The following UNC5C variants were observed in gnomAD, a reference collection of about 807,000 sequenced individuals.
UNC5C encodes the protein unc-5 netrin receptor C, also known as netrin receptor UNC5C.
A neutral mutation model predicts 99.8 loss-of-function variants in UNC5C; 47 were observed. That is an observed-to-expected ratio of 0.47 (90% CI 0.37 to 0.60). The LOEUF is 0.60. UNC5C is among the 20% of genes least tolerant of loss of function. The probability of loss-of-function intolerance (pLI) is 0.00; values close to 1 mark genes in which losing one functional copy is unlikely to be tolerated. For missense variants in UNC5C, 1,062 were observed against 1,165.9 expected (o/e 0.91, Z 1.30); for synonymous variants, 487 against 452.2 (o/e 1.08, Z -0.98).
At chr4:95,442,568 G>A (rs1021939650) in intron 1 of UNC5C, among the ~76,000 whole-genome samples, 9 of 151,772 alleles carry the variant, frequency 5.9e-5, no homozygotes. Context: ...CTGGGCTCAA[G>A]CAGTCCTCTC....
intron 1 of UNC5C, among the ~76,000 whole-genome samples, chr4:95,481,756 G>A (rs1463668446): frequency 6.6e-6 from 1 of 152,056 alleles, no homozygotes; most frequent in African/African-American, 2.4e-5. Flanking sequence ...CAAGCAATGG[G>A]GAAAGGATTC....
intron 2 of UNC5C, among the ~76,000 whole-genome samples, chr4:95,324,124 C>T (rs1201326232): frequency 6.6e-6 from 1 of 152,166 alleles, no homozygotes; most frequent in Non-Finnish European, 1.5e-5. Flanking sequence ...GGTCCCCAAC[C>T]CCCAGGCCAG....
At chr4:95,383,983 A>G (rs2149442909) in intron 1 of UNC5C, among the ~76,000 whole-genome samples, 1 of 152,324 alleles carries the variant, frequency 6.6e-6, no homozygotes, top group South Asian at 2.1e-4. Context: ...AGATTGTCTC[A>G]GAATGTTATT....
At position 95,321,189 on chromosome 4, in the gene UNC5C, G is replaced by C. The variant is rs542746387; in HGVS notation, c.346+14221C>G. Among the ~76,000 whole-genome samples the C allele has an allele frequency of 2.1e-3, 321 of 152,166 alleles. 2 individuals are homozygous for C. The highest frequency in any genetic ancestry group is 3.0e-3 in the Non-Finnish European group (204 of 68,002). ...TAAAATTACATAGTTCTGCAAATAG[G>C]ATATAGTCGGGGTGCTCTGGAGTAC... On this transcript the variant is annotated intron_variant, in intron 2 of 15. Transcript: ENST00000453304.
At chr4:95,434,955 G>A (rs116683846) in intron 1 of UNC5C, among the ~76,000 whole-genome samples, 2,609 of 152,052 alleles carry the variant, frequency 0.017, 73 homozygotes, top group African/African-American at 0.061. Context: ...GAAGAGTTTT[G>A]CTCTTGCAGA....
chr4:95,438,373 G>A (rs1161053735), intron 1 of UNC5C, among the ~76,000 whole-genome samples: 1 of 152,048 alleles, frequency 6.6e-6, no homozygotes, highest in Non-Finnish European at 1.5e-5. Flanking sequence ...TGGCTCTGGA[G>A]CCAAGATAAC....
intron 1 of UNC5C, among the ~76,000 whole-genome samples, chr4:95,483,491 A>G (rs541255812): frequency 2.9e-4 from 44 of 151,844 alleles, no homozygotes; most frequent in Non-Finnish European, 5.3e-4. Context: ...CAATTTTTGT[A>G]TATAAAATGG....
At chr4:95,253,375 A>G (rs1560754235) in intron 4 of UNC5C, among the ~76,000 whole-genome samples, 2 of 152,146 alleles carry the variant, frequency 1.3e-5, no homozygotes, top group Non-Finnish European at 2.9e-5. Flanking sequence ...TTCAATCTGC[A>G]TGGTTGACAA....
chr4:95,356,256 C>T (rs182940967), intron 1 of UNC5C, among the ~76,000 whole-genome samples: 1 of 146,022 alleles, frequency 6.8e-6, no homozygotes, highest in African/African-American at 2.5e-5. Context: ...CTCATTCTTT[C>T]CTATGGTATA....
chr4:95,477,705 T>A (rs1438147494), intron 1 of UNC5C, among the ~76,000 whole-genome samples: 2 of 152,050 alleles, frequency 1.3e-5, no homozygotes, highest in South Asian at 4.1e-4. Context: ...CATTTAAACT[T>A]TCCTACATCC....
chr4:95,276,324 T>C (rs1200021019), intron 4 of UNC5C, among the ~76,000 whole-genome samples: 4 of 152,216 alleles, frequency 2.6e-5, no homozygotes, highest in Admixed American at 2.6e-4. Flanking sequence ...TCTTTGAATG[T>C]CAAATGGGTA....
Position 95,548,847 on chromosome 4 carries a change from CCTT to C in UNC5C, c.8_10del (p.Lys3_Gly4delinsSer), listed in dbSNP as rs781737116. ...GCAGCGGGCCGCTGTCGCCCGCAGA[CCTT>C]TCCTCATCGTAGACAGAGGTGTGCC... On this transcript the variant is annotated inframe_deletion, in exon 1 of 16. Coordinates refer to ENST00000453304, the MANE Select transcript of UNC5C (RefSeq NM_003728.4). The C allele has an allele frequency of 2.5e-6, 4 of 1,613,086 alleles. No individual in the cohort carries two copies. Among genetic ancestry groups the C allele is most frequent in the Non-Finnish European group, 1.7e-6 (2 of 1,179,854 alleles).
At chr4:95,455,210 A>G (rs1747394296) in intron 1 of UNC5C, among the ~76,000 whole-genome samples, 1 of 152,096 alleles carries the variant, frequency 6.6e-6, no homozygotes. Context: ...TCTTTCAAAC[A>G]TTGTAGAAAA....
At chr4:95,438,281 A>G (rs1051013104) in intron 1 of UNC5C, among the ~76,000 whole-genome samples, 1 of 151,974 alleles carries the variant, frequency 6.6e-6, no homozygotes, top group African/African-American at 2.4e-5. Context: ...AAAATTAAAA[A>G]CCTTCTTCTC....
At chr4:95,456,201 G>A (rs189149269) in intron 1 of UNC5C, among the ~76,000 whole-genome samples, 130 of 152,096 alleles carry the variant, frequency 8.5e-4, no homozygotes, top group African/African-American at 2.9e-3. Context: ...ACACACCACC[G>A]ACTAAGAAAG....
Position 95,307,874 on chromosome 4 carries a change from C to T in UNC5C, c.347-6125G>A, listed in dbSNP as rs189194533. Among the ~76,000 whole-genome samples the T allele has an allele frequency of 3.4e-3, 510 of 152,228 alleles. 1 individual carries two copies. The highest frequency in any genetic ancestry group is 0.012 in the African/African-American group (484 of 41,560). Reference sequence around the variant, plus strand: ...AACAAAATGAAGGATAAAAATCATACGATCATCTTAATAGCTGTAGAAAGA... The same window carrying T: ...AACAAAATGAAGGATAAAAATCATATGATCATCTTAATAGCTGTAGAAAGA... On this transcript the variant is annotated intron_variant, in intron 2 of 15. Coordinates refer to ENST00000453304, the MANE Select transcript of UNC5C (RefSeq NM_003728.4).
chr4:95,187,654 G>C (rs3796463), intron 12 of UNC5C, among the ~76,000 whole-genome samples: 92,995 of 152,152 alleles, frequency 0.61, 30,322 homozygotes, highest in Middle Eastern at 0.77. Flanking sequence ...GCAATGATTT[G>C]AAAAGTCATG....
rs117696117 is a variant in UNC5C at position 95,199,566 on chromosome 4, T to G, written c.2136+3165A>C. On this transcript the variant is annotated intron_variant, in intron 12 of 15. Coordinates refer to ENST00000453304, the MANE Select transcript of UNC5C (RefSeq NM_003728.4). The stretch of plus-strand genomic sequence containing the variant: ...GCTGCTTAAACCTGTTCATCACTCT[T>G]TCTCACTATTGACCATTTGCGTCTT... Among the ~76,000 whole-genome samples the G allele has an allele frequency of 2.0e-5, 3 of 152,316 alleles. No homozygotes were observed. In the East Asian group the frequency reaches 5.8e-4, roughly 29 times the overall value.
At chr4:95,371,436 G>A (rs147995128) in intron 1 of UNC5C, among the ~76,000 whole-genome samples, 4 of 14,498 alleles carry the variant, frequency 2.8e-4, no homozygotes, top group Non-Finnish European at 4.5e-4. Context: ...GGGGGGGGGA[G>A]TATCAAATGT....
Sources: allele counts gnomAD v4.1 joint callset (sites outside exome capture counted in the v4.1 genomes callset), GRCh38; gene constraint gnomAD v4.1.1; transcripts MANE v1.5; gene names NCBI Gene and HGNC (gene_info 2026-07-23, HGNC 2026-07-21).